The following DNAJC6 variants were observed in gnomAD, a reference collection of about 807,000 sequenced individuals.
The protein encoded by DNAJC6 is DnaJ heat shock protein family (Hsp40) member C6, also known as auxilin.
Under a neutral mutation model 110.0 loss-of-function variants are expected in DNAJC6, and 34 were observed. That is an observed-to-expected ratio of 0.31 (90% CI 0.24 to 0.41). The LOEUF (loss-of-function observed/expected upper bound fraction) is 0.41. DNAJC6 is among the 10% of genes least tolerant of loss of function. The probability of loss-of-function intolerance (pLI) is 1.00; values close to 1 mark genes in which losing one functional copy is unlikely to be tolerated. For synonymous variants in DNAJC6, 406 were observed against 437.2 expected, an observed-to-expected ratio of 0.93 and a Z score of 0.89; for missense variants, 1,031 against 1,207.8, an observed-to-expected ratio of 0.85 and a Z score of 2.17.
intron 4 of DNAJC6, among the ~76,000 whole-genome samples, chr1:65,374,304 T>TTA (rs1553145098): frequency 6.6e-5 from 10 of 152,190 alleles, no homozygotes; most frequent in South Asian, 6.2e-4. Flanking sequence ...GGTTTTTTTT[T>TTA]ATTTCTGTGA....
intron 1 of DNAJC6, among the ~76,000 whole-genome samples, chr1:65,266,288 C>T (rs579360): frequency 6.6e-6 from 1 of 150,510 alleles, no homozygotes; most frequent in Non-Finnish European, 1.5e-5. Flanking sequence ...GAAAAAAAAA[C>T]CCCACTCACA....
chr1:65,395,071 T>C (rs774305616), intron 13 of DNAJC6, 39 bp downstream of exon 13: 1 of 1,543,994 alleles, frequency 6.5e-7, no homozygotes, highest in Non-Finnish European at 8.7e-7. Flanking sequence ...TGGAACATAG[T>C]TTTCTGCAAG....
At chr1:65,355,177 C>G (rs935148871) in intron 1 of DNAJC6, among the ~76,000 whole-genome samples, 1 of 147,894 alleles carries the variant, frequency 6.8e-6, no homozygotes, top group African/African-American at 2.5e-5. Flanking sequence ...TTGGGAGGAT[C>G]GCTTGAGCCT....
At chr1:65,280,143 CAT>C (rs886260444) in intron 1 of DNAJC6, among the ~76,000 whole-genome samples, 2 of 152,112 alleles carry the variant, frequency 1.3e-5, no homozygotes, top group African/African-American at 4.8e-5. Flanking sequence ...CTCAGTGTAA[CAT>C]AATTTAAAAT....
At chr1:65,350,512 A>T (rs948550450) in intron 1 of DNAJC6, among the ~76,000 whole-genome samples, 5 of 151,942 alleles carry the variant, frequency 3.3e-5, no homozygotes, top group Non-Finnish European at 7.4e-5. Context: ...CTGCTCCTTT[A>T]TATCTGTAGT....
At chr1:65,403,202 A>G (rs190203182) in intron 15 of DNAJC6, among the ~76,000 whole-genome samples, 2 of 152,368 alleles carry the variant, frequency 1.3e-5, no homozygotes, top group African/African-American at 4.8e-5. Flanking sequence ...TGTTTTACAT[A>G]TATCATTTCA....
chr1:65,309,202 C>T (rs949257571), upstream of DNAJC6, among the ~76,000 whole-genome samples: 6 of 152,086 alleles, frequency 3.9e-5, no homozygotes, highest in African/African-American at 1.4e-4. Context: ...TCTTCTCTGT[C>T]ACACGCGTGC....
chr1:65,369,185 A>G (rs1462348094), intron 4 of DNAJC6, among the ~76,000 whole-genome samples: 2 of 152,170 alleles, frequency 1.3e-5, no homozygotes, highest in Non-Finnish European at 2.9e-5. Context: ...GCTCTTCCAG[A>G]TAGTCCTAGA....
intron 4 of DNAJC6, among the ~76,000 whole-genome samples, chr1:65,375,532 T>A (rs751005646): frequency 7.9e-5 from 12 of 152,230 alleles, no homozygotes; most frequent in Non-Finnish European, 1.5e-4. Context: ...TTCACGCCAT[T>A]CTTCTGCGTC....
At chr1:65,312,036 T>TA (rs1168834517) in intron 1 of DNAJC6, among the ~76,000 whole-genome samples, 1 of 152,338 alleles carries the variant, frequency 6.6e-6, no homozygotes, top group Admixed American at 6.5e-5. Flanking sequence ...CAGACTTTTT[T>TA]AATAGGTGGA....
Position 65,392,818 on chromosome 1 carries a change from G to A in DNAJC6, c.1856G>A (p.Arg619His), listed in dbSNP as rs139509177. 51 of 1,562,828 alleles carry A rather than the reference G, an allele frequency of 3.3e-5. No homozygotes were observed. Among genetic ancestry groups the A allele is most frequent in the African/African-American group, 9.6e-5 (7 of 73,232 alleles). ...GCGTCTACCCAGTCAACACCACGCCGCTCTGCCACCTCCACCTCTGCGTCT... is the reference window on the plus strand; with the variant it reads ...GCGTCTACCCAGTCAACACCACGCCACTCTGCCACCTCCACCTCTGCGTCT... Reference protein sequence around the residue: ...GPASTQSTPRRSATSTSASPT... With the variant: ...GPASTQSTPRHSATSTSASPT... Residue 619 changes from arginine (R) to histidine (H), a missense_variant, in exon 12 of 19, where the codon CGC becomes CAC. Coordinates refer to ENST00000371069, the MANE Select transcript of DNAJC6 (RefSeq NM_001256864.2).
intron 1 of DNAJC6, among the ~76,000 whole-genome samples, chr1:65,356,434 C>T (rs1247969843): frequency 1.3e-5 from 2 of 151,784 alleles, no homozygotes; most frequent in Admixed American, 1.3e-4. Flanking sequence ...TGTGGTGGTG[C>T]ATGCCTGTAA....
rs371262423 is a variant in DNAJC6 at position 65,313,384 on chromosome 1, G to A, written c.193+3446G>A. Among the ~76,000 whole-genome samples the A allele has an allele frequency of 3.3e-5, 5 of 152,218 alleles. No homozygotes were observed. The East Asian group carries it at 9.7e-4, about 29-fold the overall frequency. ...TTGGCCTGTTCCCATTTATAAAAGT[G>A]GAATCATAAGAGCTGTTCTTACCAC... On this transcript the variant is annotated intron_variant, in intron 1 of 18. Transcript: ENST00000371069.
At chr1:65,371,725 G>T (rs913915071) in intron 4 of DNAJC6, among the ~76,000 whole-genome samples, 3 of 152,120 alleles carry the variant, frequency 2.0e-5, no homozygotes, top group African/African-American at 7.2e-5. Flanking sequence ...CCACTGGGTG[G>T]TATCATGGCA....
chr1:65,299,510 G>A (rs1285671906), intron 1 of DNAJC6, among the ~76,000 whole-genome samples: 2 of 152,224 alleles, frequency 1.3e-5, no homozygotes, highest in East Asian at 3.8e-4. Context: ...TGGCTTTGGA[G>A]TCAGACACAA....
At chr1:65,389,172 T>C in intron 9 of DNAJC6, 84 bp from the exon 10 acceptor site, 1 of 1,266,222 alleles carries the variant, frequency 7.9e-7, no homozygotes, top group Non-Finnish European at 1.1e-6. Flanking sequence ...AACCTAAGAG[T>C]CAACCTAAGA....
chr1:65,393,547 C>T (rs1024884535), intron 12 of DNAJC6, among the ~76,000 whole-genome samples: 1 of 152,196 alleles, frequency 6.6e-6, no homozygotes, highest in African/African-American at 2.4e-5. Context: ...GCAGTTGGTA[C>T]TAGGTAAGGA....
rs558336054 is a variant in DNAJC6 at position 65,326,475 on chromosome 1, G to A, written c.193+16537G>A. On this transcript the variant is annotated intron_variant, in intron 1 of 18. Transcript: ENST00000371069. ...ACAGGAAGAAATAGAATGATAAAGGGATGGAGGAAAAAGCATTGTAGTCTT... is the reference window on the plus strand; with the variant it reads ...ACAGGAAGAAATAGAATGATAAAGGAATGGAGGAAAAAGCATTGTAGTCTT... Among the ~76,000 whole-genome samples the A allele has an allele frequency of 3.0e-4, 46 of 152,264 alleles. No individual in the cohort carries two copies. The South Asian group carries it at 8.3e-3, about 27-fold the overall frequency.
chr1:65,287,888 G>T (rs186030523), intron 1 of DNAJC6, among the ~76,000 whole-genome samples: 1 of 152,306 alleles, frequency 6.6e-6, no homozygotes, highest in East Asian at 1.9e-4. Flanking sequence ...ACAGGCATGA[G>T]CCACTGTGCC....
Sources: allele counts gnomAD v4.1 joint callset (sites outside exome capture counted in the v4.1 genomes callset), GRCh38; gene constraint gnomAD v4.1.1; transcripts MANE v1.5; gene names NCBI Gene and HGNC (gene_info 2026-07-23, HGNC 2026-07-21).